The following CELSR1 variants were observed in gnomAD, a reference collection of about 807,000 sequenced individuals.
The protein encoded by CELSR1 is adhesion G protein-coupled receptor C1.
In CELSR1, 110 loss-of-function variants were observed where a neutral mutation model predicts 249.1. The observed-to-expected ratio is 0.44, with a 90% CI of 0.38 to 0.52. The LOEUF (loss-of-function observed/expected upper bound fraction) is 0.52. Ranked by LOEUF, CELSR1 falls within the 20% of genes least tolerant of loss-of-function variation. CELSR1 has a pLI of 0.00. For missense variants in CELSR1, 4,109 were observed against 4,296.4 expected, an observed-to-expected ratio of 0.96 and a Z score of 1.22; for synonymous variants, 2,113 against 1,900.0, an observed-to-expected ratio of 1.11 and a Z score of -2.92.
Position 46,533,999 on chromosome 22 carries a change from C to T in CELSR1, c.3172G>A (p.Ala1058Thr), listed in dbSNP as rs146657902. 3.6e-4 allele frequency: 574 copies of T among 1,613,674 alleles called. No homozygotes were observed. Among genetic ancestry groups the T allele is most frequent in the Non-Finnish European group, 4.5e-4 (536 of 1,180,030 alleles). The change falls in exon 1 of 35, where the codon GCC becomes ACC. Residue 1058 changes from alanine (A) to threonine (T), a missense_variant. Around this residue, in one of 7 missense-constraint regions of CELSR1, gnomAD observed 886 missense variants for 896.5 expected, o/e 0.99. Transcript: ENST00000674500. ...QLDLLNGDLR[A>T]MVELDFEVRR... ...ACCTCAAAGTCCAGCTCCACCATGG[C>T]ACGCAGGTCCCCGTTGAGCAGGTCC...
At chr22:46,444,841 C>T (rs936184972) in intron 2 of CELSR1, among the ~76,000 whole-genome samples, 2 of 152,162 alleles carry the variant, frequency 1.3e-5, no homozygotes, top group Non-Finnish European at 2.9e-5. Flanking sequence ...GCGTCCCTGG[C>T]TTGTGGCTGC....
chr22:46,408,959 C>T lies in CELSR1; in HGVS notation c.5226+37G>A, dbSNP rs1345937433. On this transcript the variant is annotated intron_variant, in intron 9 of 34. Transcript: ENST00000674500. This position sits in a 1 kb window ranked among gnomAD's most constrained non-coding sequence, Gnocchi z 4.6. ...CCTGGGTCCCTCCCTCGGGCACCCA[C>T]CTAGCAGGTGCCTTGGTGGCACGGG... 1 of 1,556,760 alleles carries T rather than the reference C, an allele frequency of 6.4e-7. No homozygotes were observed. Among genetic ancestry groups the T allele is most frequent in the Non-Finnish European group, 8.7e-7 (1 of 1,152,746 alleles).
In CELSR1 at chr22:46,413,341, A is replaced by T. The variant is rs2079360061; in HGVS notation, c.4612-1582T>A. ...TGACTTCTGGGGACCCTGGACACCC[A>T]GGCAGCACGCCCTGCCTGGAGTTGT... On this transcript the variant is annotated intron_variant, in intron 5 of 34. Coordinates refer to ENST00000674500, the MANE Select transcript of CELSR1 (RefSeq NM_001378328.1). The surrounding 1 kb of genome is among the most constrained non-coding windows in gnomAD (Gnocchi z 4.7). Among the ~76,000 whole-genome samples, 1 of 152,220 alleles carries T rather than the reference A, an allele frequency of 6.6e-6. No homozygotes were observed. The highest frequency in any genetic ancestry group is 2.4e-5 in the African/African-American group (1 of 41,460).
chr22:46,400,628 C>T (rs772075292), intron 9 of CELSR1, among the ~76,000 whole-genome samples: 9 of 151,964 alleles, frequency 5.9e-5, no homozygotes, highest in Non-Finnish European at 1.2e-4. Context: ...GAGACAAGAG[C>T]GAGACTCTGT....
chr22:46,373,676 T>TGGGGGAGATGGGGGAGAAGGGGGAGAA (rs2078884298), intron 24 of CELSR1, among the ~76,000 whole-genome samples: 1 of 26,232 alleles, frequency 3.8e-5, no homozygotes, highest in Non-Finnish European at 8.9e-5. Context: ...AAGGGGGAGA[T>TGGGGGAGATGGGGGAGAAGGGGGAGAA]GGGGGAGATG....
intron 2 of CELSR1, among the ~76,000 whole-genome samples, chr22:46,460,479 G>A (rs1378910616): frequency 6.6e-6 from 1 of 152,202 alleles, no homozygotes; most frequent in Non-Finnish European, 1.5e-5. Context: ...AGGGATGGCA[G>A]GTGCAGAGGG....
intron 2 of CELSR1, among the ~76,000 whole-genome samples, chr22:46,456,977 G>A (rs1053606969): frequency 2.0e-4 from 31 of 152,072 alleles, no homozygotes; most frequent in African/African-American, 7.2e-4. Flanking sequence ...CAGCAGCACT[G>A]AAGCGCTCCC....
At chr22:46,422,199 A>C (rs1156701555) in intron 5 of CELSR1, among the ~76,000 whole-genome samples, 3 of 151,940 alleles carry the variant, frequency 2.0e-5, no homozygotes, top group Non-Finnish European at 4.4e-5. Context: ...TCTACCTCCC[A>C]GGTTCAAGAG....
intron 1 of CELSR1, among the ~76,000 whole-genome samples, chr22:46,465,239 T>C (rs939517457): frequency 6.6e-6 from 1 of 151,912 alleles, no homozygotes; most frequent in East Asian, 1.9e-4. Flanking sequence ...GGGGTGGGAT[T>C]TGCAGAATAG....
chr22:46,511,772 G>A (rs1339024174), intron 1 of CELSR1, among the ~76,000 whole-genome samples: 2 of 152,184 alleles, frequency 1.3e-5, no homozygotes, highest in African/African-American at 4.8e-5. Flanking sequence ...GTAAGAGGGT[G>A]AGATGAGGGA....
intron 1 of CELSR1, among the ~76,000 whole-genome samples, chr22:46,511,373 C>A (rs1230380768): frequency 6.6e-6 from 1 of 152,246 alleles, no homozygotes; most frequent in South Asian, 2.1e-4. Context: ...GGGCCCCCAC[C>A]ACAACCTCCT....
At chr22:46,368,785 G>A (rs928416348) in intron 27 of CELSR1, among the ~76,000 whole-genome samples, 14 of 151,500 alleles carry the variant, frequency 9.2e-5, no homozygotes, top group Non-Finnish European at 1.6e-4. Context: ...TCTGACAGTG[G>A]GGTGGGGGGG....
chr22:46,451,081 C>A (rs1395726587), intron 2 of CELSR1, among the ~76,000 whole-genome samples: 1 of 152,210 alleles, frequency 6.6e-6, no homozygotes, highest in African/African-American at 2.4e-5. Context: ...CCACCGGGAA[C>A]TGCTGTCTGT....
intron 2 of CELSR1, among the ~76,000 whole-genome samples, chr22:46,461,217 C>T (rs1237728581): frequency 3.9e-5 from 6 of 152,128 alleles, no homozygotes; most frequent in Admixed American, 6.6e-5. Context: ...GCCTTATCTC[C>T]GAGGGAAATA....
chr22:46,524,580 C>G (rs9616039), intron 1 of CELSR1, among the ~76,000 whole-genome samples: 51,889 of 143,086 alleles, frequency 0.36, 9,979 homozygotes, highest in African/African-American at 0.54. Flanking sequence ...GTCTGTCTGT[C>G]TGTGTGTTTT....
In CELSR1 at chr22:46,535,037, G is replaced by T. The variant is rs192865476; in HGVS notation, c.2134C>A (p.Arg712Ser). ...VGSSVLTLQARDRDANSVITY... is the reference protein window; with the variant it reads ...VGSSVLTLQASDRDANSVITY... ...ATCACACTGTTGGCGTCACGGTCGC[G>T]GGCCTGCAGGGTCAGCACGCTGCTC... The change falls in exon 1 of 35, where the codon CGC (arginine) becomes AGC (serine). Residue 712 changes from arginine (R) to serine (S), a missense_variant. Transcript: ENST00000674500. The T allele has an allele frequency of 6.2e-7, 1 of 1,612,374 alleles. No individual in the cohort carries two copies. The highest frequency in any genetic ancestry group is 1.6e-4 in the Middle Eastern group (1 of 6,062).
chr22:46,463,783 G>C lies in CELSR1; in HGVS notation c.4107C>G (p.Ser1369=). 1 of 1,597,692 alleles carries C rather than the reference G, an allele frequency of 6.3e-7. No individual in the cohort carries two copies. The highest frequency in any genetic ancestry group is 1.1e-5 in the South Asian group (1 of 88,232). Residue 1369 remains serine (S), a synonymous_variant, in exon 2 of 35, where the codon TCC becomes TCG. Coordinates refer to ENST00000674500, the MANE Select transcript of CELSR1 (RefSeq NM_001378328.1). ...AGCGGCCGTTGGCGCCGCACGGGTCGGAGTAGCAGAGGTCGATCTCCGTCT... is the reference window on the plus strand; with the variant it reads ...AGCGGCCGTTGGCGCCGCACGGGTCCGAGTAGCAGAGGTCGATCTCCGTCT... ...YCETEIDLCY[S]DPCGANGRCR...
intron 4 of CELSR1, among the ~76,000 whole-genome samples, 195 bp downstream of exon 4, chr22:46,435,979 G>A (rs765226189): frequency 5.3e-5 from 8 of 152,154 alleles, no homozygotes; most frequent in African/African-American, 9.7e-5. Context: ...GATTACAGGC[G>A]TGAGCCACCA....
intron 1 of CELSR1, among the ~76,000 whole-genome samples, chr22:46,478,561 G>C (rs1810478): frequency 0.41 from 59,144 of 145,318 alleles, 12,626 homozygotes; most frequent in South Asian, 0.55. Flanking sequence ...TTTTTTTTTT[G>C]AGATGGAGTC....
Sources: gnomAD v4.1 joint callset for allele counts (sites outside exome capture counted in the v4.1 genomes callset) on GRCh38, gnomAD v4.1.1 for gene constraint, gnomAD v4.1.1 regional missense constraint, Gnocchi (gnomAD v3.1) non-coding constraint, MANE v1.5 for transcripts, NCBI Gene and HGNC (gene_info 2026-07-23, HGNC 2026-07-21) for gene names.